The following SLC47A2 variants were observed in gnomAD, a reference collection of about 807,000 sequenced individuals.
The protein encoded by SLC47A2 is multidrug and toxin extrusion protein 2.
In SLC47A2, 52 loss-of-function variants were observed where a neutral mutation model predicts 67.7. The ratio of observed to expected loss-of-function variants is 0.77; its 90% CI spans 0.61 to 0.97. The LOEUF (loss-of-function observed/expected upper bound fraction) is 0.97, where lower values mean the gene tolerates loss of function less well. Among genes scored for constraint, SLC47A2 ranks in the 50% least tolerant of loss-of-function variants. The pLI, the probability that SLC47A2 is intolerant of heterozygous loss-of-function variation, is 0.00. For missense variants in SLC47A2, 676 were observed against 712.3 expected, an observed-to-expected ratio of 0.95 and a Z score of 0.58; for synonymous variants, 278 against 292.9, an observed-to-expected ratio of 0.95 and a Z score of 0.52.
rs2085318910 is a variant in SLC47A2 at position 19,681,678 on chromosome 17, G to A, written c.1165-8C>T. ...AACTCCGCCATAGACACACTAGGAG[G>A]GGAGACAGAAATGGGCAAGAGTCAG... is the stretch of plus-strand genomic sequence containing the variant. On this transcript the variant is annotated splice_polypyrimidine_tract_variant and splice_region_variant and intron_variant, in intron 13 of 16. Transcript: ENST00000433844. 1 of 1,605,710 alleles carries A rather than the reference G, an allele frequency of 6.2e-7. No homozygotes were observed. The highest frequency in any genetic ancestry group is 8.5e-7 in the Non-Finnish European group (1 of 1,174,444).
At chr17:19,716,299 C>G (rs960131334) in intron 1 of SLC47A2, 134 bp downstream of exon 1, 7 of 1,372,210 alleles carry the variant, frequency 5.1e-6, no homozygotes, top group Non-Finnish European at 6.8e-6. Context: ...TCCCCAGACT[C>G]TGGACCTGGC....
At chr17:19,708,866 AT>A in intron 5 of SLC47A2, 106 bp from the exon 6 acceptor site, 3 of 1,379,658 alleles carry the variant, frequency 2.2e-6, no homozygotes, top group Non-Finnish European at 3.0e-6. Context: ...GATTGGGGAA[AT>A]TACTTCATCA....
chr17:19,706,707 G>A lies in SLC47A2; in HGVS notation c.782C>T (p.Pro261Leu). 6.2e-7 allele frequency: 1 copy of A among 1,611,270 alleles called. No individual in the cohort carries two copies. The highest frequency in any genetic ancestry group is 8.5e-7 in the Non-Finnish European group (1 of 1,179,254). Residue 261 changes from proline to leucine, a missense_variant, in exon 9 of 17, where the codon CCC (proline) becomes CTC (leucine). Transcript: ENST00000433844. ...DWGPFFSLAV[P>L]SMLMICVEWW... ...CTCAACACAGATCATGAGCATGCTG[G>A]GGACAGCCAGGGAGAAGAAGGGGCC... is the stretch of plus-strand genomic sequence containing the variant.
chr17:19,702,038 G>T (rs889081125), intron 13 of SLC47A2: 1 of 718,186 alleles, frequency 1.4e-6, no homozygotes, highest in Non-Finnish European at 1.7e-6. Flanking sequence ...GAGCTCAGGA[G>T]GTTGAGGCTG....
At chr17:19,704,274 G>C (rs577518287) in intron 10 of SLC47A2, 96 bp from the exon 11 acceptor site, 1 of 966,480 alleles carries the variant, frequency 1.0e-6, no homozygotes, top group African/African-American at 1.7e-5. Context: ...GAGCGGGAAG[G>C]CAGAGCAGAT....
intron 2 of SLC47A2, 53 bp downstream of exon 2, chr17:19,715,063 T>G: frequency 7.6e-6 from 12 of 1,577,344 alleles, no homozygotes; most frequent in South Asian, 1.1e-5. Context: ...GGGAACCCGG[T>G]GGAGAAGCCT....
chr17:19,691,135 A>G (rs567623739), intron 13 of SLC47A2, among the ~76,000 whole-genome samples: 55 of 151,896 alleles, frequency 3.6e-4, no homozygotes, highest in African/African-American at 7.5e-4. Context: ...AAAAAAAAAA[A>G]GGGAGCCCTT....
At chr17:19,709,787 A>T (rs1274174719) in intron 5 of SLC47A2, among the ~76,000 whole-genome samples, 1 of 152,156 alleles carries the variant, frequency 6.6e-6, no homozygotes, top group Non-Finnish European at 1.5e-5. Context: ...CTTTGGCTTG[A>T]CAAAGAAGAC....
rs374360788 is a variant in SLC47A2, at chr17:19,701,926, C to A, written c.1164+679G>T. ...GAGGATTCCACCTATCATAGTGTGA[C>A]CCTGTCTCTACAAAAAATACGAAAA... On this transcript the variant is annotated intron_variant, in intron 13 of 16. Coordinates refer to ENST00000433844, the MANE Select transcript of SLC47A2 (RefSeq NM_001099646.3). Among the ~76,000 whole-genome samples, 102 of 152,140 alleles carry A rather than the reference C, an allele frequency of 6.7e-4. 2 individuals are homozygous for A. The South Asian group carries it at 0.014, about 21-fold the overall frequency.
intron 13 of SLC47A2, among the ~76,000 whole-genome samples, chr17:19,686,939 TAAATAGACC>T (rs1258877881): frequency 6.6e-6 from 1 of 152,184 alleles, no homozygotes; most frequent in African/African-American, 2.4e-5. Flanking sequence ...CCCTAGAGAC[TAAATAGACC>T]TAATAGATAT....
chr17:19,678,757 C>T lies in SLC47A2; in HGVS notation c.1630G>A (p.Ala544Thr), dbSNP rs2085244760. 3 of 1,613,958 alleles carry T rather than the reference C, an allele frequency of 1.9e-6. No individual in the cohort carries two copies. Among genetic ancestry groups the T allele is most frequent in the South Asian group, 1.1e-5 (1 of 91,078 alleles). ...GTGGCTGACGCCGCCCCCAGAGCAG[C>T]CCCACGGCGGATGACCAGCTGTTTC... ...SVKQLVIRRG[A>T]ALGAASATLM... Residue 544 changes from alanine (A) to threonine (T), a missense_variant, in exon 17 of 17, where the codon GCT becomes ACT. Transcript: ENST00000433844.
At chr17:19,686,998 C>A (rs558420488) in intron 13 of SLC47A2, among the ~76,000 whole-genome samples, 2 of 152,194 alleles carry the variant, frequency 1.3e-5, no homozygotes, top group Non-Finnish European at 2.9e-5. Context: ...AATACACATT[C>A]TTCTCCTCAA....
chr17:19,708,899 GGTGCGGCC>G, intron 5 of SLC47A2, 139 bp from the exon 6 acceptor site: 1 of 1,125,486 alleles, frequency 8.9e-7, no homozygotes, highest in Non-Finnish European at 1.3e-6. Flanking sequence ...GGACCTCTCA[GGTGCGGCC>G]AAAGCCTACC....
chr17:19,705,419 C>A lies in SLC47A2; in HGVS notation c.909+17G>T. ...CAGGTGGGGGATGTGGGGAAGGCAC[C>A]CCTGCAGGAGCCTTACCATGTAGGT... On this transcript the variant is annotated intron_variant, in intron 10 of 16. Coordinates refer to ENST00000433844, the MANE Select transcript of SLC47A2 (RefSeq NM_001099646.3). 6.2e-7 allele frequency: 1 copy of A among 1,606,242 alleles called. No homozygotes were observed. The highest frequency in any genetic ancestry group is 1.1e-5 in the South Asian group (1 of 89,548).
chr17:19,706,521 G>T, intron 9 of SLC47A2, 127 bp downstream of exon 9: 1 of 703,618 alleles, frequency 1.4e-6, no homozygotes, highest in Non-Finnish European at 2.3e-6. Context: ...AAGCTGGAAG[G>T]GGGCTGGTGA....
chr17:19,690,319 TAGA>T (rs1192030177), intron 13 of SLC47A2, among the ~76,000 whole-genome samples: 2 of 152,094 alleles, frequency 1.3e-5, no homozygotes, highest in Non-Finnish European at 2.9e-5. Flanking sequence ...ATGAAACTAC[TAGA>T]AGAAGAACTT....
At chr17:19,679,237 G>A (rs1039100127) in intron 16 of SLC47A2, among the ~76,000 whole-genome samples, 6 of 152,298 alleles carry the variant, frequency 3.9e-5, no homozygotes, top group African/African-American at 7.2e-5. Flanking sequence ...ATGTCTTACC[G>A]TATTCTCTCA....
intron 13 of SLC47A2, chr17:19,702,237 C>T (rs2085804451): frequency 1.0e-6 from 1 of 985,250 alleles, no homozygotes; most frequent in South Asian, 4.7e-5. Context: ...AAATGTCCCT[C>T]TGTGCTGGCA....
intron 13 of SLC47A2, among the ~76,000 whole-genome samples, chr17:19,698,028 A>G (rs1363773592): frequency 6.6e-6 from 1 of 152,194 alleles, no homozygotes; most frequent in East Asian, 1.9e-4. Flanking sequence ...ACATAGTAGC[A>G]TATCCCCACT....
Sources: allele counts gnomAD v4.1 joint callset (sites outside exome capture counted in the v4.1 genomes callset), GRCh38; gene constraint gnomAD v4.1.1; transcripts MANE v1.5; gene names NCBI Gene and HGNC (gene_info 2026-07-23, HGNC 2026-07-21).